CDC23: variants seen among roughly 807,000 people sequenced by gnomAD.
CDC23 encodes cell division cycle 23.
CDC23 carries 26 observed loss-of-function variants against 81.7 expected under a neutral mutation model. The ratio of observed to expected loss-of-function variants is 0.32; its 90% confidence interval spans 0.23 to 0.44. The LOEUF (loss-of-function observed/expected upper bound fraction) is 0.44. Among genes scored for constraint, CDC23 ranks in the 20% least tolerant of loss-of-function variants. The pLI, the probability that CDC23 is intolerant of heterozygous loss-of-function variation, is 1.00. For missense variants in CDC23, 519 were observed against 728.0 expected (o/e 0.71, Z 3.30); for synonymous variants, 267 against 270.8 (o/e 0.99, Z 0.14).
intron 9 of CDC23, among the ~76,000 whole-genome samples, chr5:138,195,829 T>TA (rs1561634262): frequency 7.6e-6 from 1 of 131,480 alleles, no homozygotes; most frequent in African/African-American, 2.9e-5. Context: ...ATAATATATA[T>TA]TATATACATA....
intron 3 of CDC23, 23 bp downstream of exon 3, chr5:138,206,524 T>A: frequency 1.2e-6 from 2 of 1,613,786 alleles, no homozygotes; most frequent in Middle Eastern, 1.6e-4. Context: ...AAAGGCAGAA[T>A]GACATTTTAA....
chr5:138,198,557 A>C (rs1294141563), intron 7 of CDC23, 34 bp from the exon 8 acceptor site: 1 of 1,612,818 alleles, frequency 6.2e-7, no homozygotes. Flanking sequence ...AAACAGCACA[A>C]TGCACCTGTC....
chr5:138,195,065 TA>T (rs1754869802), intron 9 of CDC23, among the ~76,000 whole-genome samples: 1 of 151,802 alleles, frequency 6.6e-6, no homozygotes, highest in African/African-American at 2.4e-5. Flanking sequence ...ATATTTTTTT[TA>T]AAAAGAATGA....
chr5:138,192,777 G>T, intron 9 of CDC23, 120 bp from the exon 10 acceptor site: 1 of 743,756 alleles, frequency 1.3e-6, no homozygotes, highest in Non-Finnish European at 2.1e-6. Flanking sequence ...TAAAGTCCTG[G>T]CAAAACACCC....
intron 9 of CDC23, among the ~76,000 whole-genome samples, chr5:138,193,915 G>A (rs1378010510): frequency 1.3e-5 from 2 of 150,442 alleles, no homozygotes; most frequent in South Asian, 2.1e-4. Context: ...CCAAGATCGC[G>A]CCATTGCACT....
intron 13 of CDC23, among the ~76,000 whole-genome samples, chr5:138,190,871 C>CA (rs35904455): frequency 0.014 from 2,010 of 142,750 alleles, 20 homozygotes; most frequent in Admixed American, 0.019. Flanking sequence ...CTATAAATTA[C>CA]AAAAAAAAAA....
At position 138,188,278 on chromosome 5, in the gene CDC23, A is replaced by G. The variant is rs999143604; in HGVS notation, c.*700T>C. 2 of 152,182 alleles carry G rather than the reference A, an allele frequency of 1.3e-5. No homozygotes were observed. The highest frequency in any genetic ancestry group is 6.5e-5 in the Admixed American group (1 of 15,272). 9.4% of individuals were successfully genotyped at this position (152,182 alleles called of 1,614,324 possible). On this transcript the variant is annotated 3_prime_UTR_variant, in exon 16 of 16. Coordinates refer to ENST00000394886, the MANE Select transcript of CDC23 (RefSeq NM_004661.4). ...TTGCTTTGGTAGGAGTATAGCTAAC[A>G]ATATAGCCATCTTTTGCCCTCAGTA...
At chr5:138,208,414 T>A (rs1439420847) in intron 2 of CDC23, among the ~76,000 whole-genome samples, 1 of 152,230 alleles carries the variant, frequency 6.6e-6, no homozygotes, top group Non-Finnish European at 1.5e-5. Flanking sequence ...TGATTTAGGA[T>A]TCTGGAGGCC....
chr5:138,191,248 A>G (rs1462189539), intron 13 of CDC23, among the ~76,000 whole-genome samples: 1 of 152,116 alleles, frequency 6.6e-6, no homozygotes, highest in Non-Finnish European at 1.5e-5. Flanking sequence ...CACCTCCCTC[A>G]GCCGCCCAAA....
At position 138,213,147 on chromosome 5, in the gene CDC23, C is replaced by G. The variant is rs781260583; in HGVS notation, c.161+5G>C. The G allele has an allele frequency of 8.2e-5, 132 of 1,614,048 alleles. No individual in the cohort carries two copies. In the South Asian group the frequency reaches 1.3e-3, roughly 16 times the overall value. The stretch of plus-strand genomic sequence containing the variant: ...GCCCCGTCCCTTCCCACTCCAACAT[C>G]TCACCATTTGCTACTGTGTAGTAGG... On this transcript the variant is annotated splice_donor_5th_base_variant and intron_variant, in intron 1 of 15. Coordinates refer to ENST00000394886, the MANE Select transcript of CDC23 (RefSeq NM_004661.4).
chr5:138,202,435 C>G (rs1754999910), intron 3 of CDC23, among the ~76,000 whole-genome samples: 1 of 152,306 alleles, frequency 6.6e-6, no homozygotes, highest in Non-Finnish European at 1.5e-5. Context: ...AGGCACCCGC[C>G]ACCACGCCTG....
At chr5:138,202,048 G>T in intron 4 of CDC23, 65 bp downstream of exon 4, 1 of 1,131,508 alleles carries the variant, frequency 8.8e-7, no homozygotes, top group Non-Finnish European at 1.3e-6. Flanking sequence ...CTGCCTGGCT[G>T]TTGGAGGCAT....
Position 138,213,000 on chromosome 5 carries a change from A to T in CDC23, c.225T>A (p.Pro75=). ...LPLAELQPPP[P]ITEEDAQDMD... ...GTAAACATGTCCTTACCTCTGTAAT[A>T]GGCGGAGGCGGTTGCAGCTCGGCCA... The change falls in exon 2 of 16, where the codon CCT becomes CCA. Residue 75 remains proline, a synonymous_variant. Transcript: ENST00000394886. 6.2e-7 allele frequency: 1 copy of T among 1,613,742 alleles called. No homozygotes were observed. Among genetic ancestry groups the T allele is most frequent in the Middle Eastern group, 1.6e-4 (1 of 6,062 alleles).
At chr5:138,203,282 G>C (rs1486015874) in intron 3 of CDC23, among the ~76,000 whole-genome samples, 1 of 152,114 alleles carries the variant, frequency 6.6e-6, no homozygotes, top group Non-Finnish European at 1.5e-5. Context: ...GTCAATACTG[G>C]TTCATTGATT....
chr5:138,191,681 C>T, intron 12 of CDC23, 146 bp from the exon 13 acceptor site: 3 of 939,666 alleles, frequency 3.2e-6, no homozygotes, highest in Non-Finnish European at 1.7e-6. Flanking sequence ...GTCTAGGCTA[C>T]ACACTGACAT....
At chr5:138,206,773 A>G in intron 2 of CDC23, 89 bp from the exon 3 acceptor site, 3 of 1,264,650 alleles carry the variant, frequency 2.4e-6, no homozygotes, top group Non-Finnish European at 3.3e-6. Flanking sequence ...TTCAAGATGT[A>G]AAAGAAAAAG....
chr5:138,199,179 A>G (rs559713733), intron 6 of CDC23, among the ~76,000 whole-genome samples: 13 of 152,356 alleles, frequency 8.5e-5, no homozygotes, highest in Admixed American at 2.0e-4. Flanking sequence ...ACTGGGAAGT[A>G]GCAGAAAAAT....
At chr5:138,195,438 T>C (rs2126581407) in intron 9 of CDC23, among the ~76,000 whole-genome samples, 1 of 145,522 alleles carries the variant, frequency 6.9e-6, no homozygotes, top group South Asian at 2.1e-4. Context: ...AATTTAAAAT[T>C]GGGCAATCTG....
At position 138,200,962 on chromosome 5, in the gene CDC23, T is replaced by G. The variant is rs968004371; in HGVS notation, c.654+145A>C. On this transcript the variant is annotated intron_variant, in intron 6 of 15. Coordinates refer to ENST00000394886, the MANE Select transcript of CDC23 (RefSeq NM_004661.4). ...TCAGTCTTTCAAACAAAGACTTACT[T>G]CCAAAACAGCGAAAAGACACCAGAG... 6 of 802,332 alleles carry G rather than the reference T, an allele frequency of 7.5e-6. No individual in the cohort carries two copies. In the Admixed American group the frequency reaches 8.2e-5, roughly 11 times the overall value. The allele number at this position is 802,332 out of a possible 1,614,324, so 49.7% of individuals were successfully genotyped here. A position where few individuals can be genotyped will look rare whatever the true frequency, so the allele number is the denominator to read the frequency against.
Sources: gnomAD v4.1 joint callset for allele counts (sites outside exome capture counted in the v4.1 genomes callset) on GRCh38, gnomAD v4.1.1 for gene constraint, MANE v1.5 for transcripts, NCBI Gene and HGNC (gene_info 2026-07-23, HGNC 2026-07-21) for gene names.